Variants in LOXL2 observed in about 807,000 individuals in gnomAD.
LOXL2 encodes lysyl oxidase like 2.
A neutral mutation model predicts 93.0 loss-of-function variants in LOXL2; 70 were observed. The ratio of observed to expected loss-of-function variants is 0.75; its 90% CI spans 0.62 to 0.92. The LOEUF (loss-of-function observed/expected upper bound fraction) is 0.92, where lower values mean the gene tolerates loss of function less well. LOXL2 is among the 40% of genes least tolerant of loss of function. LOXL2 has a pLI of 0.00. For missense variants in LOXL2, 973 were observed against 1,054.9 expected (o/e 0.92, Z 1.08); for synonymous variants, 438 against 413.2 (o/e 1.06, Z -0.73).
intron 5 of LOXL2, chr8:23,328,922 C>T (rs563693845): frequency 1.3e-4 from 26 of 205,478 alleles, no homozygotes; most frequent in African/African-American, 6.0e-4. Context: ...CAGCACGTCC[C>T]CCACCAACTC....
In LOXL2 at chr8:23,328,544, CT is replaced by C. The variant is rs765485204; in HGVS notation, c.987del (p.Gly330AlafsTer74). ...CGGCCCTCCCCGATGTAGGCACCGC[CT>C]CTCAGTCGCACCAGGGGTTGCTGAA... ...YKPEQPLVRLRGGAYIGEGRV... is the reference protein window; with the variant it reads ...YKPEQPLVRLXGGAYIGEGRV... On this transcript the variant is annotated frameshift_variant, in exon 6 of 14. Coordinates refer to ENST00000389131, the MANE Select transcript of LOXL2 (RefSeq NM_002318.3). LOFTEE classifies it high-confidence loss of function. 2.5e-6 allele frequency: 4 copies of C among 1,613,956 alleles called. No homozygotes were observed. In the African/African-American group the frequency reaches 5.3e-5, roughly 22 times the overall value.
chr8:23,360,697 G>C (rs1333706326), intron 2 of LOXL2, among the ~76,000 whole-genome samples: 1 of 152,172 alleles, frequency 6.6e-6, no homozygotes, highest in African/African-American at 2.4e-5. Context: ...ATACTACGAA[G>C]CCTGTGCCTA....
intron 5 of LOXL2, among the ~76,000 whole-genome samples, chr8:23,330,099 G>C (rs1000149024): frequency 6.6e-6 from 1 of 152,344 alleles, no homozygotes; most frequent in South Asian, 2.1e-4. Context: ...GCCAAGGCGG[G>C]TGGATCACGA....
At chr8:23,335,795 CAG>C (rs1333212380) in intron 4 of LOXL2, among the ~76,000 whole-genome samples, 1 of 152,154 alleles carries the variant, frequency 6.6e-6, no homozygotes, top group Non-Finnish European at 1.5e-5. Context: ...TCCTTTGTCT[CAG>C]AGTGAATGGG....
chr8:23,330,226 C>T (rs1319266944), intron 5 of LOXL2, among the ~76,000 whole-genome samples: 2 of 152,084 alleles, frequency 1.3e-5, no homozygotes, highest in Non-Finnish European at 2.9e-5. Context: ...CCCAGCTACT[C>T]GGGAGGCTGA....
intron 5 of LOXL2, chr8:23,331,726 G>A (rs1000293366): frequency 6.7e-6 from 1 of 149,898 alleles, no homozygotes; most frequent in Non-Finnish European, 1.5e-5. Flanking sequence ...CAAGCCTGCT[G>A]TGGTTGGACT....
intron 1 of LOXL2, among the ~76,000 whole-genome samples, chr8:23,379,291 C>A (rs959429260): frequency 3.3e-5 from 5 of 152,334 alleles, no homozygotes; most frequent in African/African-American, 1.2e-4. Context: ...GATTGTTCCT[C>A]TGGAAGCTTC....
chr8:23,371,483 T>C (rs1406904604), intron 1 of LOXL2, among the ~76,000 whole-genome samples: 1 of 152,102 alleles, frequency 6.6e-6, no homozygotes, highest in African/African-American at 2.4e-5. Flanking sequence ...CTGGGTGCAG[T>C]GGCTCACGCC....
chr8:23,303,269 T>G lies in LOXL2; in HGVS notation c.1996+13A>C, dbSNP rs1473319244. On this transcript the variant is annotated intron_variant, in intron 11 of 13. Transcript: ENST00000389131. ...CCTCTGAGGCCTCCCATCCCCCCAC[T>G]CCGCTCAGATACCTCCTTCACATTC... 3.2e-6 allele frequency: 5 copies of G among 1,567,646 alleles called. No individual in the cohort carries two copies. Among genetic ancestry groups the G allele is most frequent in the Non-Finnish European group, 4.4e-6 (5 of 1,138,466 alleles).
intron 3 of LOXL2, among the ~76,000 whole-genome samples, chr8:23,354,851 G>C (rs775763825): frequency 2.0e-5 from 3 of 150,866 alleles, no homozygotes; most frequent in Admixed American, 6.6e-5. Context: ...ACTTAGGGTA[G>C]AGCTATCTAC....
chr8:23,303,656 G>T (rs1803178671), intron 10 of LOXL2, among the ~76,000 whole-genome samples: 1 of 152,200 alleles, frequency 6.6e-6, no homozygotes, highest in African/African-American at 2.4e-5. Flanking sequence ...TCATCGTAAT[G>T]CATGGGGTGC....
chr8:23,303,325 G>A lies in LOXL2; in HGVS notation c.1953C>T (p.Gly651=), dbSNP rs146005138. Residue 651 remains glycine (G), a synonymous_variant, in exon 11 of 14, where the codon GGC becomes GGT. Transcript: ENST00000389131. ...LNLNGTKVAE[G]HKASFCLEDT... ...CCTCCAAGCAGAAGCTGGCCTTGTG[G>A]CCCTCTGCCACCTTGGTGCCATTGA... 3.5e-5 allele frequency: 56 copies of A among 1,613,482 alleles called. No individual in the cohort carries two copies. The highest frequency in any genetic ancestry group is 4.5e-5 in the Non-Finnish European group (53 of 1,179,808).
At chr8:23,393,602 T>A (rs1444929894) in intron 1 of LOXL2, among the ~76,000 whole-genome samples, 1 of 152,116 alleles carries the variant, frequency 6.6e-6, no homozygotes, top group African/African-American at 2.4e-5. Context: ...ACCCTTAGAA[T>A]AAAACATAGA....
intron 9 of LOXL2, among the ~76,000 whole-genome samples, chr8:23,316,018 G>A (rs1803396391): frequency 6.6e-6 from 1 of 152,212 alleles, no homozygotes; most frequent in African/African-American, 2.4e-5. Context: ...TCACAAGGAT[G>A]TGATAGCTTG....
chr8:23,306,925 C>T (rs552157284), intron 10 of LOXL2, among the ~76,000 whole-genome samples: 3 of 152,332 alleles, frequency 2.0e-5, no homozygotes, highest in Admixed American at 6.5e-5. Context: ...AGAATAACTC[C>T]GGGGGCACTT....
chr8:23,344,093 T>C (rs1803929167), intron 3 of LOXL2, among the ~76,000 whole-genome samples: 1 of 152,184 alleles, frequency 6.6e-6, no homozygotes, highest in African/African-American at 2.4e-5. Flanking sequence ...AAGGCCTGGC[T>C]GGAGGAGCTC....
chr8:23,353,693 G>C (rs898918171), intron 3 of LOXL2, among the ~76,000 whole-genome samples: 33 of 152,222 alleles, frequency 2.2e-4, no homozygotes, highest in Non-Finnish European at 4.4e-4. Flanking sequence ...GACTAACCCA[G>C]GGCAGCACTT....
chr8:23,353,079 C>T (rs1804123141), intron 3 of LOXL2, among the ~76,000 whole-genome samples: 1 of 152,030 alleles, frequency 6.6e-6, no homozygotes, highest in Non-Finnish European at 1.5e-5. Context: ...TGAAAACCTT[C>T]CCTGATCTAA....
chr8:23,336,610 C>G (rs986017594), intron 4 of LOXL2: 2 of 152,286 alleles, frequency 1.3e-5, no homozygotes, highest in Non-Finnish European at 2.9e-5. Context: ...CCGACCGGTG[C>G]TCCCCTTGCC....
Sources: gnomAD v4.1 joint callset for allele counts (sites outside exome capture counted in the v4.1 genomes callset) on GRCh38, gnomAD v4.1.1 for gene constraint, MANE v1.5 for transcripts, NCBI Gene and HGNC (gene_info 2026-07-23, HGNC 2026-07-21) for gene names.